The following TMPRSS9 variants were observed in gnomAD, a reference collection of about 807,000 sequenced individuals.
TMPRSS9 encodes the protein transmembrane serine protease 9, also known as transmembrane protease serine 9.
A neutral mutation model predicts 111.4 loss-of-function variants in TMPRSS9; 113 were observed. That is an observed-to-expected ratio of 1.01 (90% CI 0.87 to 1.19). The LOEUF (loss-of-function observed/expected upper bound fraction) is 1.19. Among genes scored for constraint, TMPRSS9 ranks in the 50% most tolerant of loss-of-function variants. The probability of loss-of-function intolerance (pLI) is 0.00; values close to 1 mark genes in which losing one functional copy is unlikely to be tolerated. For synonymous variants in TMPRSS9, 805 were observed against 659.1 expected, an observed-to-expected ratio of 1.22 and a Z score of -3.39; for missense variants, 1,803 against 1,513.1, an observed-to-expected ratio of 1.19 and a Z score of -3.18.
chr19:2,364,546 C>G (rs372836096), intron 1 of TMPRSS9, among the ~76,000 whole-genome samples: 2 of 151,934 alleles, frequency 1.3e-5, no homozygotes, highest in Non-Finnish European at 2.9e-5. Context: ...CGGCACCCAG[C>G]CCTTTGTTGT....
chr19:2,396,409 C>T, intron 1 of TMPRSS9, 130 bp from the exon 3 acceptor site: 1 of 1,134,586 alleles, frequency 8.8e-7, no homozygotes, highest in Non-Finnish European at 1.2e-6. Context: ...GGGCGTCGAC[C>T]ACCCCACTGC....
At chr19:2,393,898 CAAAAAAAAAAAA>C (rs34160378) in intron 1 of TMPRSS9, among the ~76,000 whole-genome samples, 6,423 of 63,874 alleles carry the variant, frequency 0.1, 417 homozygotes, top group East Asian at 0.4. Context: ...ACCATGTCTC[CAAAAAAAAAAAA>C]AAAAAAAAAA....
intron 14 of TMPRSS9, among the ~76,000 whole-genome samples, chr19:2,423,508 T>A (rs1439811760): frequency 2.7e-5 from 2 of 73,322 alleles, no homozygotes; most frequent in Non-Finnish European, 5.2e-5. Context: ...TGGGTGGTGA[T>A]AGAGGGCGGC....
upstream of TMPRSS9, among the ~76,000 whole-genome samples, chr19:2,386,635 G>GGTT (rs1568173512): frequency 6.6e-6 from 1 of 152,164 alleles, no homozygotes; most frequent in Non-Finnish European, 1.5e-5. Context: ...ACACGTGGTC[G>GGTT]GCTGCTTTAG....
Position 2,421,846 on chromosome 19 carries a change from C to T in TMPRSS9, c.2155-8C>T. Reference sequence around the variant, plus strand: ...AGGACCAACCAGTGCTCTTTCCTTCCTTTCTAGGGTGACTCTGGGGGCCCC... The same window carrying T: ...AGGACCAACCAGTGCTCTTTCCTTCTTTTCTAGGGTGACTCTGGGGGCCCC... On this transcript the variant is annotated splice_polypyrimidine_tract_variant and splice_region_variant and intron_variant, in intron 13 of 17. Coordinates refer to ENST00000648592, the Ensembl canonical transcript of TMPRSS9. 6.3e-7 allele frequency: 1 copy of T among 1,583,184 alleles called. No homozygotes were observed. Among genetic ancestry groups the T allele is most frequent in the Non-Finnish European group, 8.6e-7 (1 of 1,164,220 alleles).
intron 1 of TMPRSS9, among the ~76,000 whole-genome samples, chr19:2,361,855 C>T (rs960077565): frequency 1.3e-5 from 2 of 152,176 alleles, no homozygotes; most frequent in African/African-American, 4.8e-5. Flanking sequence ...TTGTGGGCCG[C>T]GTGGTGGCCA....
In TMPRSS9 at chr19:2,421,872, C is replaced by A. The variant is rs1396369081; in HGVS notation, c.2173C>A (p.Leu725Met). ...TTTCTAGGGTGACTCTGGGGGCCCC[C>A]TGGCCTGCGAGGAGGCCCCTGGCGT... Residue 725 changes from leucine to methionine, a missense_variant, in exon 14 of 18, where the codon CTG (leucine) becomes ATG (methionine). Transcript: ENST00000648592. 6.2e-6 allele frequency: 10 copies of A among 1,607,494 alleles called. No homozygotes were observed. In the South Asian group the frequency reaches 1.1e-4, roughly 18 times the overall value.
chr19:2,408,744 A>T, intron 8 of TMPRSS9, 114 bp downstream of exon 9: 1 of 1,379,822 alleles, frequency 7.2e-7, no homozygotes, highest in South Asian at 1.4e-5. Flanking sequence ...TGGGAGGCCG[A>T]GGCGGGTGGA....
chr19:2,394,313 T>C (rs1224852252), intron 1 of TMPRSS9, among the ~76,000 whole-genome samples: 1 of 151,854 alleles, frequency 6.6e-6, no homozygotes, highest in African/African-American at 2.4e-5. Flanking sequence ...CCTGAGCCCA[T>C]GAGGTCGAGG....
At chr19:2,424,904 C>G in intron 15 of TMPRSS9, 98 bp from the exon 17 acceptor site, 1 of 1,343,778 alleles carries the variant, frequency 7.4e-7, no homozygotes, top group Non-Finnish European at 9.5e-7. Flanking sequence ...GGCCAATAAC[C>G]CTGCCCAGGG....
chr19:2,369,621 T>A (rs1474233530), intron 1 of TMPRSS9, among the ~76,000 whole-genome samples: 2 of 120,380 alleles, frequency 1.7e-5, no homozygotes, highest in South Asian at 4.8e-4. Flanking sequence ...TTTTTTTTTT[T>A]AGAGATGGGA....
At chr19:2,378,671 T>C (rs1481104141) in intron 1 of TMPRSS9, among the ~76,000 whole-genome samples, 6 of 152,186 alleles carry the variant, frequency 3.9e-5, no homozygotes, top group Non-Finnish European at 8.8e-5. Flanking sequence ...TGAGCCAAGA[T>C]TGTGCCACTG....
chr19:2,377,474 C>G, intron 1 of TMPRSS9, among the ~76,000 whole-genome samples: 1 of 79,890 alleles, frequency 1.3e-5, no homozygotes, highest in African/African-American at 7.1e-5. Flanking sequence ...CCCCTCTCCC[C>G]TCTCCTCTCT....
chr19:2,395,606 G>A (rs756626953), intron 1 of TMPRSS9, among the ~76,000 whole-genome samples: 8 of 152,104 alleles, frequency 5.3e-5, no homozygotes, highest in Non-Finnish European at 7.4e-5. Context: ...CAGCTACTCC[G>A]GAGGCTGAGG....
Position 2,424,084 on chromosome 19 carries a change from C to A in TMPRSS9, c.2549-5C>A. ...CGCCTGCCCACGCGCCTGGCTCCCC[C>A]GCAGACTGTGGCCTGGCGCCGGCCG... On this transcript the variant is annotated splice_polypyrimidine_tract_variant and splice_region_variant and intron_variant, in intron 14 of 17. Transcript: ENST00000648592. 7.8e-7 allele frequency: 1 copy of A among 1,285,684 alleles called. No individual in the cohort carries two copies. The highest frequency in any genetic ancestry group is 9.9e-7 in the Non-Finnish European group (1 of 1,013,998). The allele number at this position is 1,285,684 out of a possible 1,614,324, so 79.6% of individuals were successfully genotyped here. A position where few individuals can be genotyped will look rare whatever the true frequency, so the allele number is the denominator to read the frequency against.
intron 1 of TMPRSS9, among the ~76,000 whole-genome samples, chr19:2,390,626 C>A (rs960557017): frequency 6.6e-6 from 1 of 151,296 alleles, no homozygotes; most frequent in African/African-American, 2.4e-5. Context: ...GAGGCTGAGG[C>A]GGGAGGACCA....
At chr19:2,383,501 C>T (rs965255893) in intron 1 of TMPRSS9, among the ~76,000 whole-genome samples, 8 of 150,840 alleles carry the variant, frequency 5.3e-5, no homozygotes, top group South Asian at 4.2e-4. Context: ...AAAAAAATTA[C>T]GATTTTTAAA....
chr19:2,373,325 G>C (rs1477570565), intron 1 of TMPRSS9, among the ~76,000 whole-genome samples: 4 of 152,106 alleles, frequency 2.6e-5, no homozygotes, highest in African/African-American at 9.7e-5. Flanking sequence ...CTGCCTCCCG[G>C]GTTCAAGTGA....
At chr19:2,375,162 G>A (rs73919619) in intron 1 of TMPRSS9, among the ~76,000 whole-genome samples, 1 of 152,054 alleles carries the variant, frequency 6.6e-6, no homozygotes, top group South Asian at 2.1e-4. Context: ...ACGTCTACAC[G>A]TGGCAGTTTA....
Sources: allele counts gnomAD v4.1 joint callset (sites outside exome capture counted in the v4.1 genomes callset), GRCh38; gene constraint gnomAD v4.1.1; transcripts MANE v1.5; gene names NCBI Gene and HGNC (gene_info 2026-07-23, HGNC 2026-07-21).